Variants in SNAP91 observed in about 807,000 individuals in gnomAD.
SNAP91 encodes synaptosome associated protein 91.
In SNAP91, 27 loss-of-function variants were observed where a neutral mutation model predicts 100.3. The ratio of observed to expected loss-of-function variants is 0.27; its 90% confidence interval spans 0.20 to 0.37. The LOEUF is 0.37. Ranked by LOEUF, SNAP91 falls within the 10% of genes least tolerant of loss-of-function variation. SNAP91 has a pLI of 1.00. For missense variants in SNAP91, 986 were observed against 1,123.7 expected (o/e 0.88, Z 1.75); for synonymous variants, 404 against 398.6 (o/e 1.01, Z -0.16).
intron 2 of SNAP91, among the ~76,000 whole-genome samples, chr6:83,702,725 T>G (rs970954403): frequency 5.3e-5 from 8 of 151,592 alleles, no homozygotes; most frequent in South Asian, 2.1e-4. Flanking sequence ...AAAAAAAATC[T>G]AAAGTGACCC....
At chr6:83,701,695 G>A (rs773241267) in intron 2 of SNAP91, among the ~76,000 whole-genome samples, 2 of 152,126 alleles carry the variant, frequency 1.3e-5, no homozygotes, top group East Asian at 3.9e-4. Context: ...TGATCTGACC[G>A]CCTTGGACTC....
rs768890974 is a variant in SNAP91 at position 83,659,089 on chromosome 6, G to A, written c.456C>T (p.Ala152=). ...AFDFARVKKG[A]DGVMRTMAPE... ...GAGCCATTGTCCTCATTACACCATC[G>A]GCCCTACAATTAAAAAAAAAAAAAA... is the stretch of plus-strand genomic sequence containing the variant. Residue 152 remains alanine (A), a synonymous_variant, in exon 6 of 30, where the codon GCC becomes GCT. Coordinates refer to ENST00000369694, the MANE Select transcript of SNAP91 (RefSeq NM_001242792.2). The A allele has an allele frequency of 2.5e-5, 40 of 1,571,084 alleles. No homozygotes were observed. Among genetic ancestry groups the A allele is most frequent in the Middle Eastern group, 1.7e-4 (1 of 5,966 alleles).
At chr6:83,644,876 G>A (rs534568075) in intron 7 of SNAP91, among the ~76,000 whole-genome samples, 1 of 152,218 alleles carries the variant, frequency 6.6e-6, no homozygotes, top group Admixed American at 6.5e-5. Flanking sequence ...AGCACTATCA[G>A]GTAAACAAAT....
At chr6:83,566,391 G>T (rs1042016202) in intron 26 of SNAP91, among the ~76,000 whole-genome samples, 62 of 152,188 alleles carry the variant, frequency 4.1e-4, no homozygotes, top group African/African-American at 1.5e-3. Context: ...TCAAAAGAAA[G>T]AAAATACCTA....
At chr6:83,649,713 TG>T (rs1334700966) in intron 7 of SNAP91, among the ~76,000 whole-genome samples, 3 of 151,606 alleles carry the variant, frequency 2.0e-5, no homozygotes, top group Non-Finnish European at 4.4e-5. Flanking sequence ...CCCTAGTAGC[TG>T]GGACTATAGA....
intron 2 of SNAP91, among the ~76,000 whole-genome samples, chr6:83,668,764 C>T (rs772261408): frequency 6.6e-6 from 1 of 152,006 alleles, no homozygotes; most frequent in Non-Finnish European, 1.5e-5. Flanking sequence ...AAATATCTCA[C>T]ATACACAAAA....
chr6:83,561,063 G>T, intron 26 of SNAP91, 116 bp from the exon 27 acceptor site: 1 of 728,604 alleles, frequency 1.4e-6, no homozygotes, highest in Non-Finnish European at 2.2e-6. Flanking sequence ...TTATTTTAAA[G>T]ATGGGGTCTC....
intron 11 of SNAP91, among the ~76,000 whole-genome samples, chr6:83,614,586 T>C (rs1001234323): frequency 6.6e-5 from 10 of 152,114 alleles, no homozygotes; most frequent in African/African-American, 2.4e-4. Context: ...AAATATTTCA[T>C]TTCTAAAATC....
intron 26 of SNAP91, among the ~76,000 whole-genome samples, chr6:83,570,559 G>A (rs1054323887): frequency 1.2e-4 from 17 of 139,730 alleles, no homozygotes; most frequent in East Asian, 5.0e-4. Context: ...GGGGTGGCGG[G>A]GGGGGAAGTG....
intron 2 of SNAP91, chr6:83,690,347 TC>T: frequency 3.1e-6 from 4 of 1,286,644 alleles, no homozygotes; most frequent in Non-Finnish European, 4.1e-6. Context: ...TGTGATCTCC[TC>T]ATACTTTGGT....
chr6:83,708,221 C>A, intron 1 of SNAP91: 1 of 384,552 alleles, frequency 2.6e-6, no homozygotes, highest in South Asian at 3.8e-5. Context: ...CCCCGGCCCC[C>A]ACATAGGGCC....
At chr6:83,582,118 A>C (rs1829336401) in intron 23 of SNAP91, 104 bp downstream of exon 23, 1 of 1,257,622 alleles carries the variant, frequency 8.0e-7, no homozygotes, top group Admixed American at 2.3e-5. Flanking sequence ...ATTATCACTC[A>C]ATATTTGCTT....
At chr6:83,622,197 C>T (rs1032676285) in intron 9 of SNAP91, among the ~76,000 whole-genome samples, 12 of 152,008 alleles carry the variant, frequency 7.9e-5, no homozygotes, top group Non-Finnish European at 1.5e-5. Flanking sequence ...AGAACTGCTT[C>T]TCAACTTTTC....
chr6:83,605,528 T>A (rs2095555889), intron 14 of SNAP91, among the ~76,000 whole-genome samples, 157 bp downstream of exon 14: 1 of 152,242 alleles, frequency 6.6e-6, no homozygotes, highest in Non-Finnish European at 1.5e-5. Flanking sequence ...TCTCTCAATA[T>A]ATATTTCAAT....
Position 83,641,730 on chromosome 6 carries a change from GT to G in SNAP91, c.659-529del, listed in dbSNP as rs527757083. ...AATTATTTCTTTCAAACATCATGATGTGGCTTTTATTTATAAAACAGTAGAC... is the reference window on the plus strand; with the variant it reads ...AATTATTTCTTTCAAACATCATGATGGGCTTTTATTTATAAAACAGTAGAC... On this transcript the variant is annotated intron_variant, in intron 7 of 29. Transcript: ENST00000369694. Among the ~76,000 whole-genome samples the G allele has an allele frequency of 1.5e-3, 227 of 152,254 alleles. 1 individual carries two copies. Among genetic ancestry groups the G allele is most frequent in the African/African-American group, 5.3e-3 (219 of 41,560 alleles).
chr6:83,641,074 A>G, intron 8 of SNAP91, 22 bp downstream of exon 8: 1 of 1,302,020 alleles, frequency 7.7e-7, no homozygotes. Context: ...TTATATTCCC[A>G]AGAAAACTTA....
chr6:83,674,512 G>A (rs533095547), intron 2 of SNAP91, among the ~76,000 whole-genome samples: 2 of 152,278 alleles, frequency 1.3e-5, no homozygotes, highest in East Asian at 3.9e-4. Context: ...CCAAATGCAT[G>A]CTAAGTAATA....
chr6:83,647,715 G>A (rs1275074690), intron 7 of SNAP91, among the ~76,000 whole-genome samples: 2 of 151,922 alleles, frequency 1.3e-5, no homozygotes, highest in African/African-American at 4.8e-5. Flanking sequence ...TTCATTTAAG[G>A]TGTAGATTTT....
At position 83,707,821 on chromosome 6, in the gene SNAP91, C is replaced by A; in HGVS notation, c.107G>T (p.Gly36Val). 6.2e-7 allele frequency: 1 copy of A among 1,613,306 alleles called. No individual in the cohort carries two copies. Among genetic ancestry groups the A allele is most frequent in the Non-Finnish European group, 8.5e-7 (1 of 1,179,634 alleles). Residue 36 changes from glycine (G) to valine (V), a missense_variant, in exon 2 of 30, where the codon GGC becomes GTC. Physicochemically the swap from Gly to Val is moderately radical, Grantham distance 109. Transcript: ENST00000369694. The stretch of plus-strand genomic sequence containing the variant: ...ACAGTCCAGGTGCTTTTTCTTGGGG[C>A]CCATTACTTCATGAGTAGTGGCTTT... ...VCKATTHEVMGPKKKHLDYLI... is the reference protein window; with the variant it reads ...VCKATTHEVMVPKKKHLDYLI...
Sources: gnomAD v4.1 joint callset for allele counts (sites outside exome capture counted in the v4.1 genomes callset) on GRCh38, gnomAD v4.1.1 for gene constraint, MANE v1.5 for transcripts, NCBI Gene and HGNC (gene_info 2026-07-23, HGNC 2026-07-21) for gene names.